The following DCAF8L2 variants were observed in gnomAD, a reference collection of about 807,000 sequenced individuals.
The protein encoded by DCAF8L2 is DDB1 and CUL4 associated factor 8 like 2, also known as DDB1- and CUL4-associated factor 8-like protein 2.
For synonymous variants in DCAF8L2, 200 were observed against 190.9 expected (o/e 1.05, Z -0.39); for missense variants, 430 against 490.7 (o/e 0.88, Z 1.17).
the DCAF8L2 span, among the ~76,000 whole-genome samples, chrX:27,486,158 A>G: frequency 1.9e-5 from 2 of 107,904 alleles, no homozygotes; most frequent in Non-Finnish European, 3.8e-5. Flanking sequence ...GTCATGAGCC[A>G]CCATGCCCGG....
At chrX:27,587,975 T>TAAAAAAAAAAA (rs531576238), upstream of DCAF8L2, among the ~76,000 whole-genome samples, 1 of 25,503 alleles carries the variant, frequency 3.9e-5, no homozygotes, top group African/African-American at 1.1e-4. Flanking sequence ...GTACTTCCAT[T>TAAAAAAAAAAA]AAAAAAAAAA....
chrX:27,739,583 A>G (rs956512407), intron 4 of DCAF8L2, among the ~76,000 whole-genome samples: 2 of 111,756 alleles, frequency 1.8e-5, no homozygotes, highest in African/African-American at 6.5e-5. Context: ...CCAGTGGCTA[A>G]TGACTTCTAA....
the DCAF8L2 span, among the ~76,000 whole-genome samples, chrX:27,485,107 A>G: frequency 8.9e-6 from 1 of 111,865 alleles, no homozygotes; most frequent in Non-Finnish European, 1.9e-5. Context: ...TTAATTACCA[A>G]GGCTTTTATG....
the DCAF8L2 span, among the ~76,000 whole-genome samples, chrX:27,469,339 T>A: frequency 8.9e-6 from 1 of 112,005 alleles, no homozygotes; most frequent in South Asian, 3.7e-4. Flanking sequence ...TCATCAAGAA[T>A]AACATTAGCT....
At chrX:27,610,537 A>G (rs1927110814) in intron 1 of DCAF8L2, among the ~76,000 whole-genome samples, 2 of 111,878 alleles carry the variant, frequency 1.8e-5, no homozygotes, top group South Asian at 7.4e-4. Context: ...TGGCAATGAT[A>G]TTTTTTATTT....
At chrX:27,525,861 C>T in the DCAF8L2 span, among the ~76,000 whole-genome samples, 1 of 112,062 alleles carries the variant, frequency 8.9e-6, no homozygotes, top group Non-Finnish European at 1.9e-5. Flanking sequence ...GGCCCCCACT[C>T]TCTTCTGGCT....
At chrX:27,502,142 G>A in the DCAF8L2 span, among the ~76,000 whole-genome samples, 1 of 102,919 alleles carries the variant, frequency 9.7e-6, no homozygotes, top group African/African-American at 3.5e-5. Context: ...CCAACAAGGT[G>A]AAACCCCTTC....
the DCAF8L2 span, chrX:27,517,928 A>C: frequency 8.4e-7 from 1 of 1,195,957 alleles, no homozygotes; most frequent in East Asian, 3.0e-5. Context: ...TGGTGAAAAC[A>C]GTTGGTTTGC....
the DCAF8L2 span, among the ~76,000 whole-genome samples, chrX:27,575,901 A>G: frequency 3.6e-5 from 4 of 112,075 alleles, no homozygotes; most frequent in African/African-American, 1.3e-4. Flanking sequence ...GGAAAGTTGC[A>G]TGCTTTATGT....
chrX:27,580,006 G>GT, the DCAF8L2 span, among the ~76,000 whole-genome samples: 4 of 109,603 alleles, frequency 3.6e-5, no homozygotes, highest in East Asian at 2.8e-4. Context: ...ATACTTAAAT[G>GT]TTTTTTTAAA....
intron 1 of DCAF8L2, among the ~76,000 whole-genome samples, chrX:27,614,715 G>A (rs1354571684): frequency 9.0e-6 from 1 of 111,712 alleles, no homozygotes; most frequent in Non-Finnish European, 1.9e-5. Flanking sequence ...TATGTACCCA[G>A]TAGTCATTCA....
At chrX:27,539,842 T>TTGAA in the DCAF8L2 span, among the ~76,000 whole-genome samples, 157 of 111,497 alleles carry the variant, frequency 1.4e-3, 1 homozygote, top group Middle Eastern at 4.6e-3. Flanking sequence ...CAATCCTGTA[T>TTGAA]TGAAGCCTGT....
chrX:27,730,326 C>A (rs1423151332), intron 4 of DCAF8L2, among the ~76,000 whole-genome samples: 1 of 112,059 alleles, frequency 8.9e-6, no homozygotes, highest in Non-Finnish European at 1.9e-5. Flanking sequence ...CTACCCTTAA[C>A]AAATTTTAAG....
intron 1 of DCAF8L2, among the ~76,000 whole-genome samples, chrX:27,623,078 T>C (rs1230747290): frequency 1.8e-5 from 2 of 112,034 alleles, no homozygotes; most frequent in Non-Finnish European, 3.8e-5. Context: ...AGAGATAGAC[T>C]TCAATGACTG....
chrX:27,490,828 C>A, the DCAF8L2 span, among the ~76,000 whole-genome samples: 1 of 111,245 alleles, frequency 9.0e-6, no homozygotes, highest in African/African-American at 3.3e-5. Context: ...GGTATTTCAT[C>A]CCTCAAGCAA....
the DCAF8L2 span, among the ~76,000 whole-genome samples, chrX:27,581,097 C>T: frequency 2.7e-5 from 3 of 111,868 alleles, no homozygotes; most frequent in Admixed American, 2.8e-4. Context: ...CAACATAATT[C>T]AATGACTAAC....
chrX:27,671,911 T>C (rs1200932296), intron 2 of DCAF8L2, among the ~76,000 whole-genome samples: 6 of 112,038 alleles, frequency 5.4e-5, no homozygotes, highest in Non-Finnish European at 1.9e-5. Context: ...GGCATGTCAA[T>C]TTTTAAAACA....
intron 4 of DCAF8L2, among the ~76,000 whole-genome samples, chrX:27,742,586 C>CA (rs1403168868): frequency 2.6e-4 from 27 of 101,944 alleles, no homozygotes; most frequent in Middle Eastern, 9.8e-3. Context: ...AAAACAAAAA[C>CA]AAAAACAAAC....
At chrX:27,600,056 T>C (rs7882708) in intron 1 of DCAF8L2, among the ~76,000 whole-genome samples, 2,166 of 111,887 alleles carry the variant, frequency 0.019, 45 homozygotes, top group African/African-American at 0.065. Flanking sequence ...AGTGGTTATT[T>C]TTATAAGGAA....
Sources: allele counts gnomAD v4.1 joint callset (sites outside exome capture counted in the v4.1 genomes callset), GRCh38; gene constraint gnomAD v4.1.1; transcripts MANE v1.5; gene names NCBI Gene and HGNC (gene_info 2026-07-23, HGNC 2026-07-21).